The following TLN2 variants were observed in gnomAD, a reference collection of about 807,000 sequenced individuals.
TLN2 encodes the protein talin 2.
TLN2 carries 118 observed loss-of-function variants against 294.7 expected under a neutral mutation model. The observed-to-expected ratio is 0.40, with a 90% CI of 0.34 to 0.47. The LOEUF (loss-of-function observed/expected upper bound fraction) is 0.47, where lower values mean the gene tolerates loss of function less well. Ranked by LOEUF, TLN2 falls within the 20% of genes least tolerant of loss-of-function variation. The pLI is 0.84. For synonymous variants in TLN2, 1,431 were observed against 1,304.5 expected (o/e 1.10, Z -2.09); for missense variants, 3,083 against 3,282.2 (o/e 0.94, Z 1.48).
intron 1 of TLN2, among the ~76,000 whole-genome samples, chr15:62,436,144 G>A (rs549639212): frequency 6.6e-6 from 1 of 152,310 alleles, no homozygotes; most frequent in East Asian, 1.9e-4. Flanking sequence ...TTGACCTGCA[G>A]TTCTAATTCA....
intron 21 of TLN2, among the ~76,000 whole-genome samples, chr15:62,710,129 T>C (rs974895367): frequency 6.6e-6 from 1 of 152,248 alleles, no homozygotes; most frequent in Non-Finnish European, 1.5e-5. Context: ...AATAATCTTT[T>C]AATGGACATT....
chr15:62,810,898 C>T (rs1416253445), intron 52 of TLN2, among the ~76,000 whole-genome samples: 1 of 152,208 alleles, frequency 6.6e-6, no homozygotes, highest in East Asian at 1.9e-4. Context: ...CCTTTAGATA[C>T]ATAATTCACA....
chr15:62,466,052 A>G (rs1047223921), intron 1 of TLN2, among the ~76,000 whole-genome samples: 1 of 152,148 alleles, frequency 6.6e-6, no homozygotes, highest in Non-Finnish European at 1.5e-5. Context: ...AGGAAATATG[A>G]TGGGGCTTTG....
rs1054817954 is a variant in TLN2 at position 62,414,282 on chromosome 15, G to T, written c.-238+23597G>T. Among the ~76,000 whole-genome samples, 19 of 135,348 alleles carry T rather than the reference G, an allele frequency of 1.4e-4. 2 individuals carry two copies. Among genetic ancestry groups the T allele is most frequent in the African/African-American group, 5.0e-4 (19 of 38,204 alleles). 88.8% of individuals were successfully genotyped at this position (135,348 alleles called of 152,430 possible). A position where few individuals can be genotyped will look rare whatever the true frequency, so the allele number is the denominator to read the frequency against. On this transcript the variant is annotated intron_variant, in intron 1 of 58. Coordinates refer to ENST00000636159, the MANE Select transcript of TLN2 (RefSeq NM_015059.3). ...TGATTTGAGAATGTGGGGGAGGAGA[G>T]TGAGCCTATGCTTTGATTTCAGTGG...
At chr15:62,748,897 T>C (rs988343875) in intron 33 of TLN2, among the ~76,000 whole-genome samples, 4 of 152,216 alleles carry the variant, frequency 2.6e-5, no homozygotes, top group Non-Finnish European at 4.4e-5. Flanking sequence ...GTAGGGAATA[T>C]GTAAGAGGAA....
chr15:62,598,202 C>T (rs573128948), intron 2 of TLN2, among the ~76,000 whole-genome samples: 1 of 152,230 alleles, frequency 6.6e-6, no homozygotes, highest in Admixed American at 6.5e-5. Flanking sequence ...GAAGTTAGAC[C>T]CTGGGTGGGT....
intron 55 of TLN2, 140 bp from the exon 56 acceptor site, chr15:62,835,597 C>T: frequency 1.2e-6 from 1 of 858,618 alleles, no homozygotes; most frequent in Non-Finnish European, 1.9e-6. Context: ...AGAAAGGTTG[C>T]TCCATTCTCA....
chr15:62,493,735 C>T (rs1461715407), intron 1 of TLN2, among the ~76,000 whole-genome samples: 2 of 151,944 alleles, frequency 1.3e-5, no homozygotes, highest in African/African-American at 2.4e-5. Context: ...CTTAGCCTCC[C>T]GAGTAGCTGG....
chr15:62,622,679 C>A (rs1332403196), intron 3 of TLN2, among the ~76,000 whole-genome samples: 1 of 152,184 alleles, frequency 6.6e-6, no homozygotes, highest in East Asian at 1.9e-4. Flanking sequence ...ATCTGTCTTA[C>A]ACATACATTC....
intron 1 of TLN2, among the ~76,000 whole-genome samples, chr15:62,399,786 T>C (rs980567063): frequency 2.6e-5 from 4 of 152,250 alleles, no homozygotes; most frequent in Non-Finnish European, 5.9e-5. Flanking sequence ...CCTTTGTATC[T>C]AGGAAGTAAC....
chr15:62,693,229 G>A (rs548330326), intron 13 of TLN2, among the ~76,000 whole-genome samples: 124 of 152,302 alleles, frequency 8.1e-4, no homozygotes, highest in Middle Eastern at 3.4e-3. Flanking sequence ...TTACTCGGGA[G>A]GTGGAGGCAG....
chr15:62,732,785 C>T (rs913404041), intron 28 of TLN2, among the ~76,000 whole-genome samples: 4 of 152,150 alleles, frequency 2.6e-5, no homozygotes, highest in African/African-American at 7.2e-5. Context: ...GTAACATGAA[C>T]GGTTCCAAGT....
chr15:62,560,943 C>T (rs182815110), intron 1 of TLN2, among the ~76,000 whole-genome samples: 3 of 152,354 alleles, frequency 2.0e-5, no homozygotes, highest in South Asian at 2.1e-4. Flanking sequence ...TGCCCACTTG[C>T]GTGGCTCTTT....
intron 1 of TLN2, among the ~76,000 whole-genome samples, chr15:62,582,246 A>ACACACCCCC (rs764248336): frequency 1.5e-5 from 2 of 137,310 alleles, no homozygotes; most frequent in African/African-American, 2.7e-5. Context: ...ACACACACAC[A>ACACACCCCC]CATTCATGCC....
chr15:62,688,648 G>C (rs1348038375), intron 12 of TLN2, among the ~76,000 whole-genome samples: 2 of 152,018 alleles, frequency 1.3e-5, no homozygotes, highest in Non-Finnish European at 2.9e-5. Flanking sequence ...TTTTCTTTCA[G>C]CTCTCAGTTT....
At chr15:62,690,058 C>T (rs2057683375) in intron 12 of TLN2, among the ~76,000 whole-genome samples, 1 of 80,088 alleles carries the variant, frequency 1.2e-5, no homozygotes, top group Non-Finnish European at 2.5e-5. Context: ...GCAGAGGCGC[C>T]CCTCACCTCC....
At chr15:62,582,818 G>A (rs2045256514) in intron 1 of TLN2, among the ~76,000 whole-genome samples, 1 of 152,150 alleles carries the variant, frequency 6.6e-6, no homozygotes, top group Non-Finnish European at 1.5e-5. Flanking sequence ...CAAGCAGGTG[G>A]GCCTGGGAAG....
chr15:62,787,449 C>G (rs1287584329), intron 45 of TLN2, among the ~76,000 whole-genome samples: 2 of 152,158 alleles, frequency 1.3e-5, no homozygotes, highest in Admixed American at 6.5e-5. Context: ...CCCCAAGGCA[C>G]AAAACCAGGA....
chr15:62,713,277 A>G (rs1449837296), intron 22 of TLN2, among the ~76,000 whole-genome samples: 1 of 149,146 alleles, frequency 6.7e-6, no homozygotes, highest in Non-Finnish European at 1.5e-5. Flanking sequence ...GTCTCAAAAA[A>G]AAAAAAAAAA....
Sources: allele counts gnomAD v4.1 joint callset (sites outside exome capture counted in the v4.1 genomes callset), GRCh38; gene constraint gnomAD v4.1.1; transcripts MANE v1.5; gene names NCBI Gene and HGNC (gene_info 2026-07-23, HGNC 2026-07-21).